The following GALNTL5 variants were observed in gnomAD, a reference collection of about 807,000 sequenced individuals.
The protein encoded by GALNTL5 is polypeptide N-acetylgalactosaminyltransferase like 5, also known as inactive polypeptide N-acetylgalactosaminyltransferase-like protein 5.
In GALNTL5, 44 loss-of-function variants were observed where a neutral mutation model predicts 51.0. That is an observed-to-expected ratio of 0.86 (90% CI 0.68 to 1.11). The LOEUF is 1.11. Ranked by LOEUF, GALNTL5 falls within the 50% of genes least tolerant of loss-of-function variation. The probability of loss-of-function intolerance (pLI) is 0.00; values close to 1 mark genes in which losing one functional copy is unlikely to be tolerated. For synonymous variants in GALNTL5, 192 were observed against 182.8 expected, an observed-to-expected ratio of 1.05 and a Z score of -0.41; for missense variants, 528 against 531.8, an observed-to-expected ratio of 0.99 and a Z score of 0.07.
intron 1 of GALNTL5, chr7:151,960,758 G>A (rs2080982255): frequency 6.6e-6 from 1 of 152,258 alleles, no homozygotes; most frequent in Admixed American, 6.5e-5. Flanking sequence ...CCTCGGTCAT[G>A]AGCTGTGAGC....
intron 7 of GALNTL5, among the ~76,000 whole-genome samples, chr7:152,008,220 C>T (rs1469128180): frequency 1.4e-5 from 2 of 147,028 alleles, no homozygotes; most frequent in Non-Finnish European, 3.0e-5. Flanking sequence ...TCAAGACCAG[C>T]CTCAGCAACA....
intron 7 of GALNTL5, among the ~76,000 whole-genome samples, chr7:152,008,756 TTTG>T (rs1439896147): frequency 1.3e-5 from 2 of 151,820 alleles, no homozygotes; most frequent in Non-Finnish European, 2.9e-5. Context: ...GTTTGCTTGC[TTTG>T]TTTTTTTCAT....
At chr7:151,983,706 G>A (rs576689744) in intron 4 of GALNTL5, among the ~76,000 whole-genome samples, 66 of 152,268 alleles carry the variant, frequency 4.3e-4, no homozygotes, top group African/African-American at 1.5e-3. Flanking sequence ...ATAACTTCAG[G>A]AAGAAGTGAC....
intron 5 of GALNTL5, among the ~76,000 whole-genome samples, chr7:151,997,147 T>C (rs1250507046): frequency 2.0e-5 from 3 of 152,108 alleles, no homozygotes; most frequent in African/African-American, 7.2e-5. Flanking sequence ...TAGGGAGCAA[T>C]GGAATTGTTT....
At chr7:151,961,185 A>G (rs1405332981) in intron 1 of GALNTL5, among the ~76,000 whole-genome samples, 4 of 148,996 alleles carry the variant, frequency 2.7e-5, no homozygotes, top group Admixed American at 6.7e-5. Flanking sequence ...AGAGTGAGAC[A>G]CCAACTCACA....
rs1232740154 is a variant in GALNTL5, at chr7:151,981,587, TTCCCTCCTTCCTTCCTTCCC to T, written c.369-1395_369-1376del. Among the ~76,000 whole-genome samples, 173 of 31,052 alleles carry T rather than the reference TTCCCTCCTTCCTTCCTTCCC, an allele frequency of 5.6e-3. 4 individuals carry two copies. Among genetic ancestry groups the T allele is most frequent in the African/African-American group, 0.021 (157 of 7,400 alleles). 20.4% of individuals were successfully genotyped at this position (31,052 alleles called of 152,430 possible). A position where few individuals can be genotyped will look rare whatever the true frequency, so the allele number is the denominator to read the frequency against. ...CTTCCTTCCTTCCTTCCTTCCTTCCTTCCCTCCTTCCTTCCTTCCCTCCTTCCTTCCTTCCTTCCTTCCTC... is the reference window on the plus strand; with the variant it reads ...CTTCCTTCCTTCCTTCCTTCCTTCCTTCCTTCCTTCCTTCCTTCCTTCCTC... On this transcript the variant is annotated intron_variant, in intron 3 of 8. Transcript: ENST00000392800.
chr7:151,957,021 T>G (rs907735144), intron 1 of GALNTL5, among the ~76,000 whole-genome samples: 2 of 151,690 alleles, frequency 1.3e-5, no homozygotes, highest in Non-Finnish European at 2.9e-5. Flanking sequence ...AAATGCTGAT[T>G]ATAAACTGGG....
chr7:152,015,327 T>C (rs2081793982), intron 8 of GALNTL5, among the ~76,000 whole-genome samples: 2 of 151,448 alleles, frequency 1.3e-5, no homozygotes, highest in Admixed American at 1.3e-4. Context: ...CTGAAGCAAA[T>C]AGCTTCTCCT....
chr7:151,964,138 C>G (rs1488031491), intron 1 of GALNTL5, among the ~76,000 whole-genome samples: 1 of 152,162 alleles, frequency 6.6e-6, no homozygotes, highest in Non-Finnish European at 1.5e-5. Context: ...CCGGTCTTTT[C>G]TCTGTGCAAG....
intron 3 of GALNTL5, among the ~76,000 whole-genome samples, chr7:151,977,186 A>C (rs1006048810): frequency 6.6e-6 from 1 of 152,218 alleles, no homozygotes; most frequent in Non-Finnish European, 1.5e-5. Flanking sequence ...AAATACAAAA[A>C]TAGGACTGAG....
intron 2 of GALNTL5, among the ~76,000 whole-genome samples, chr7:151,968,282 G>A (rs950025718): frequency 1.3e-5 from 2 of 152,086 alleles, no homozygotes; most frequent in African/African-American, 2.4e-5. Flanking sequence ...CTGGGCAACA[G>A]AGTGAGATGC....
chr7:151,966,889 T>C (rs1586806448), intron 1 of GALNTL5, among the ~76,000 whole-genome samples: 1 of 152,186 alleles, frequency 6.6e-6, no homozygotes, highest in African/African-American at 2.4e-5. Context: ...ATACTATCAC[T>C]CCAAGGTAGA....
intron 2 of GALNTL5, chr7:151,970,708 CAAAT>C (rs2081123966): frequency 1.7e-5 from 5 of 296,244 alleles, no homozygotes; most frequent in African/African-American, 6.9e-5. Flanking sequence ...AACTGTGAGC[CAAAT>C]AAATCTCTTT....
chr7:151,986,918 GT>G (rs200226581), intron 4 of GALNTL5, among the ~76,000 whole-genome samples: 21,350 of 151,520 alleles, frequency 0.14, 2,463 homozygotes, highest in African/African-American at 0.3. Context: ...TAGAGAGGGG[GT>G]TTTCACCATG....
At chr7:151,963,507 C>T (rs932619755) in intron 1 of GALNTL5, among the ~76,000 whole-genome samples, 7 of 152,210 alleles carry the variant, frequency 4.6e-5, no homozygotes, top group Non-Finnish European at 7.3e-5. Flanking sequence ...AAGCCATTCT[C>T]GTGCCTCAGC....
intron 7 of GALNTL5, among the ~76,000 whole-genome samples, chr7:152,011,338 C>T (rs2081735594): frequency 6.6e-6 from 1 of 152,248 alleles, no homozygotes; most frequent in Non-Finnish European, 1.5e-5. Flanking sequence ...GGTTCACTTC[C>T]AGTCTCTGAA....
rs1259441191 is a variant in GALNTL5, at chr7:151,987,245, A to C, written c.622A>C (p.Ile208Leu). 5 of 1,598,242 alleles carry C rather than the reference A, an allele frequency of 3.1e-6. No individual in the cohort carries two copies. In the Admixed American group the frequency reaches 7.1e-5, roughly 23 times the overall value. ...AAGAAACAAAAAGAGAGAGGGGCTG[A>C]TTCGAGCAAGGCTGATTGGAGCTTC... ...IIRNKKREGL[I>L]RARLIGASHA... Residue 208 changes from isoleucine (I) to leucine (L), a missense_variant, in exon 5 of 9, where the codon ATT becomes CTT. Ile to Leu is a conservative substitution (Grantham distance 5, BLOSUM62 2). Transcript: ENST00000392800.
chr7:151,987,386 A>G (rs1454759328), intron 5 of GALNTL5, 105 bp downstream of exon 5: 11 of 982,944 alleles, frequency 1.1e-5, no homozygotes, highest in Non-Finnish European at 1.6e-5. Context: ...TGTCTGCTTC[A>G]TCAGAAGAGT....
intron 1 of GALNTL5, among the ~76,000 whole-genome samples, chr7:151,965,753 G>A (rs901604489): frequency 1.5e-4 from 23 of 152,170 alleles, no homozygotes; most frequent in Admixed American, 1.5e-3. Flanking sequence ...CACGCGTGGT[G>A]GCATGTGCCT....
Sources: allele counts gnomAD v4.1 joint callset (sites outside exome capture counted in the v4.1 genomes callset), GRCh38; gene constraint gnomAD v4.1.1; transcripts MANE v1.5; gene names NCBI Gene and HGNC (gene_info 2026-07-23, HGNC 2026-07-21).